Variants in OR52N4 observed in about 807,000 individuals in gnomAD.
OR52N4 encodes the protein olfactory receptor family 52 subfamily N member 4.
A neutral mutation model predicts 15.0 loss-of-function variants in OR52N4; 15 were observed. The ratio of observed to expected loss-of-function variants is 1.00; its 90% confidence interval spans 0.67 to 1.54. The LOEUF (loss-of-function observed/expected upper bound fraction) is 1.54, where lower values mean the gene tolerates loss of function less well. Among genes scored for constraint, OR52N4 ranks in the 40% most tolerant of loss-of-function variants. The pLI is 0.00. For missense variants in OR52N4, 421 were observed against 394.0 expected (o/e 1.07, Z -0.58); for synonymous variants, 143 against 143.7 (o/e 1.00, Z 0.03).
chr11:5,749,012 T>C, the OR52N4 span, among the ~76,000 whole-genome samples: 1 of 152,062 alleles, frequency 6.6e-6, no homozygotes, highest in Non-Finnish European at 1.5e-5. Flanking sequence ...TCTGTGTCTC[T>C]GAGATTCTTA....
chr11:5,750,297 A>C (rs1390352103), upstream of OR52N4, among the ~76,000 whole-genome samples: 2 of 151,996 alleles, frequency 1.3e-5, no homozygotes, highest in East Asian at 1.9e-4. Flanking sequence ...ATACAGATCT[A>C]CAAGTATATT....
chr11:5,738,455 T>C, the OR52N4 span: 1 of 96,736 alleles, frequency 1.0e-5, no homozygotes, highest in Non-Finnish European at 2.2e-5. Flanking sequence ...CATTATTTTT[T>C]AATATCCACT....
At chr11:5,754,035 G>A, upstream of OR52N4, among the ~76,000 whole-genome samples, 1 of 149,896 alleles carries the variant, frequency 6.7e-6, no homozygotes. Flanking sequence ...AGTAAATAGG[G>A]GTATCCATCA....
chr11:5,737,081 T>C, the OR52N4 span: 1 of 1,613,926 alleles, frequency 6.2e-7, no homozygotes, highest in African/African-American at 1.3e-5. Flanking sequence ...CTGCCTGTGC[T>C]CTAACCTTGG....
upstream of OR52N4, among the ~76,000 whole-genome samples, chr11:5,749,957 T>C (rs1353404079): frequency 6.6e-6 from 1 of 151,962 alleles, no homozygotes; most frequent in Non-Finnish European, 1.5e-5. Context: ...ATTGCATACG[T>C]TTGTACTTAT....
chr11:5,734,195 C>T, the OR52N4 span: 5 of 456,134 alleles, frequency 1.1e-5, no homozygotes, highest in East Asian at 7.0e-5. Context: ...ACTTCTGCCA[C>T]GCCTAGGATC....
At chr11:5,729,166 C>T in the OR52N4 span, among the ~76,000 whole-genome samples, 35 of 141,804 alleles carry the variant, frequency 2.5e-4, no homozygotes, top group African/African-American at 8.6e-4. Context: ...GTCACCCAGG[C>T]TGGAGTGCAG....
At chr11:5,729,797 G>C in the OR52N4 span, among the ~76,000 whole-genome samples, 2 of 152,158 alleles carry the variant, frequency 1.3e-5, no homozygotes, top group African/African-American at 4.8e-5. Flanking sequence ...AAAATGAAAT[G>C]ACAAGGAATA....
chr11:5,744,579 C>T, the OR52N4 span, among the ~76,000 whole-genome samples: 1 of 152,204 alleles, frequency 6.6e-6, no homozygotes, highest in Non-Finnish European at 1.5e-5. Context: ...CAAATGCATG[C>T]CCATATGCCC....
chr11:5,738,766 CTTT>C, the OR52N4 span, among the ~76,000 whole-genome samples: 22 of 149,068 alleles, frequency 1.5e-4, no homozygotes, highest in African/African-American at 4.7e-4. Context: ...TCTTTTCTTT[CTTT>C]TTTTTTTAAA....
the OR52N4 span, among the ~76,000 whole-genome samples, chr11:5,731,843 A>G: frequency 1.3e-5 from 2 of 152,088 alleles, no homozygotes; most frequent in African/African-American, 4.8e-5. Flanking sequence ...CCAAAGATGC[A>G]TTATTTTTCC....
chr11:5,755,862 A>T lies in OR52N4; in HGVS notation c.*156A>T. On this transcript the variant is annotated 3_prime_UTR_variant, in exon 2 of 2. Transcript: ENST00000641350. ...CAATAAGTACCTTGGGAATCTCAAC[A>T]TCATTGGAAGGCCCACCAACATTTC... is the stretch of plus-strand genomic sequence containing the variant. The T allele has an allele frequency of 2.3e-6, 2 of 871,578 alleles. No homozygotes were observed. Among genetic ancestry groups the T allele is most frequent in the Non-Finnish European group, 3.4e-6 (2 of 589,260 alleles). 54.0% of individuals were successfully genotyped at this position (871,578 alleles called of 1,614,324 possible). A position where few individuals can be genotyped will look rare whatever the true frequency, so the allele number is the denominator to read the frequency against.
chr11:5,752,788 A>C (rs1854216961), upstream of OR52N4, among the ~76,000 whole-genome samples: 3 of 152,178 alleles, frequency 2.0e-5, no homozygotes, highest in African/African-American at 7.2e-5. Context: ...CTTCTACCAC[A>C]TACTGCCTTT....
At chr11:5,751,994 G>T (rs1011008806), upstream of OR52N4, among the ~76,000 whole-genome samples, 6 of 152,074 alleles carry the variant, frequency 3.9e-5, no homozygotes, top group African/African-American at 1.2e-4. Context: ...AGCTACATTT[G>T]AGGGGAGTGG....
At chr11:5,742,313 T>C in the OR52N4 span, among the ~76,000 whole-genome samples, 2 of 152,102 alleles carry the variant, frequency 1.3e-5, no homozygotes, top group Admixed American at 1.3e-4. Flanking sequence ...AGGAAATAAT[T>C]AGGAAAATTT....
In OR52N4 at chr11:5,754,687, C is replaced by A; in HGVS notation, c.-48-6C>A. ...TATTTTCTCTTGTTTTTTTTTTTAA[C>A]TCTAGGAAAGCCCAGACAAATTTTG... On this transcript the variant is annotated splice_polypyrimidine_tract_variant and splice_region_variant and intron_variant, in intron 1 of 1. Transcript: ENST00000641350. 8.5e-6 allele frequency: 12 copies of A among 1,419,522 alleles called. No homozygotes were observed. The highest frequency in any genetic ancestry group is 1.5e-5 in the South Asian group (1 of 65,910). The allele number at this position is 1,419,522 out of a possible 1,614,324, so 87.9% of individuals were successfully genotyped here. A position where few individuals can be genotyped will look rare whatever the true frequency, so the allele number is the denominator to read the frequency against.
the OR52N4 span, among the ~76,000 whole-genome samples, chr11:5,728,053 G>T: frequency 7.2e-5 from 11 of 152,228 alleles, no homozygotes; most frequent in African/African-American, 2.7e-4. Context: ...TTCTATGAAT[G>T]AGGGCACAAG....
the OR52N4 span, among the ~76,000 whole-genome samples, chr11:5,729,591 T>C: frequency 6.6e-6 from 1 of 152,340 alleles, no homozygotes; most frequent in Non-Finnish European, 1.5e-5. Context: ...TTGTAGAACG[T>C]TTCTAAAGTG....
chr11:5,734,721 C>G, the OR52N4 span, among the ~76,000 whole-genome samples: 17 of 151,910 alleles, frequency 1.1e-4, no homozygotes, highest in African/African-American at 4.1e-4. Flanking sequence ...AGTAAAAATG[C>G]CAGGCCTTGT....
Sources: allele counts gnomAD v4.1 joint callset (sites outside exome capture counted in the v4.1 genomes callset), GRCh38; gene constraint gnomAD v4.1.1; transcripts MANE v1.5; gene names NCBI Gene and HGNC (gene_info 2026-07-23, HGNC 2026-07-21).